The following MBD1 variants were observed in gnomAD, a reference collection of about 807,000 sequenced individuals.
The protein encoded by MBD1 is methyl-CpG-binding domain protein 1.
Under a neutral mutation model 82.6 loss-of-function variants are expected in MBD1, and 25 were observed. The ratio of observed to expected loss-of-function variants is 0.30; its 90% CI spans 0.22 to 0.42. The LOEUF (loss-of-function observed/expected upper bound fraction) is 0.42. Among genes scored for constraint, MBD1 ranks in the 10% least tolerant of loss-of-function variants. The probability of loss-of-function intolerance (pLI) is 1.00; values close to 1 mark genes in which losing one functional copy is unlikely to be tolerated. For synonymous variants in MBD1, 301 were observed against 303.7 expected (o/e 0.99, Z 0.09); for missense variants, 627 against 819.6 (o/e 0.76, Z 2.87).
chr18:50,276,549 AACC>A, intron 5 of MBD1, 110 bp downstream of exon 5: 1 of 1,458,042 alleles, frequency 6.9e-7, no homozygotes, highest in Non-Finnish European at 9.6e-7. Context: ...TCCAACCTCC[AACC>A]ATGCCAGTAG....
At position 50,272,964 on chromosome 18, in the gene MBD1, A is replaced by G. The variant is rs1427715564; in HGVS notation, c.1585-9T>C. 3 of 1,614,110 alleles carry G rather than the reference A, an allele frequency of 1.9e-6. No individual in the cohort carries two copies. The highest frequency in any genetic ancestry group is 2.5e-6 in the Non-Finnish European group (3 of 1,180,014). On this transcript the variant is annotated splice_polypyrimidine_tract_variant and intron_variant, in intron 13 of 16. Coordinates refer to ENST00000269468, the MANE Select transcript of MBD1 (RefSeq NM_015846.4). ...AGGCCTGGGTCTACTGCCTGGGAGA[A>G]GTAGGAAACAGGCAACCATTAGAAG...
chr18:50,269,422 C>A lies in MBD1; in HGVS notation c.*429G>T. 1 of 914,798 alleles carries A rather than the reference C, an allele frequency of 1.1e-6. No individual in the cohort carries two copies. The allele number at this position is 914,798 out of a possible 1,614,324, so 56.7% of individuals were successfully genotyped here. On this transcript the variant is annotated 3_prime_UTR_variant, in exon 17 of 17. Transcript: ENST00000269468. ...GACATTTTGCTTGATAACCGGAGGGCGGAAGTGAAGCAGCAGCACATTGTT... is the reference window on the plus strand; with the variant it reads ...GACATTTTGCTTGATAACCGGAGGGAGGAAGTGAAGCAGCAGCACATTGTT...
At position 50,273,396 on chromosome 18, in the gene MBD1, C is replaced by T. The variant is rs1409016336; in HGVS notation, c.1522G>A (p.Glu508Lys). Reference sequence around the variant, plus strand: ...AGGACAGCTGTGCCTGGTGTCCACTCGTCCTGGGTATCCGCCTTCTCTTGC... The same window carrying T: ...AGGACAGCTGTGCCTGGTGTCCACTTGTCCTGGGTATCCGCCTTCTCTTGC... ...VKQEKADTQD[E>K]WTPGTAVLTS... Residue 508 changes from glutamate to lysine, a missense_variant, in exon 13 of 17, where the codon GAG becomes AAG. Physicochemically the swap from Glu to Lys is moderately conservative, Grantham distance 56. Coordinates refer to ENST00000269468, the MANE Select transcript of MBD1 (RefSeq NM_015846.4). 7 of 1,614,090 alleles carry T rather than the reference C, an allele frequency of 4.3e-6. No homozygotes were observed. The highest frequency in any genetic ancestry group is 2.2e-5 in the South Asian group (2 of 91,090).
chr18:50,273,353 A>T lies in MBD1; in HGVS notation c.1565T>A (p.Val522Glu). Residue 522 changes from valine (V) to glutamate (E), a missense_variant, in exon 13 of 17, where the codon GTG becomes GAG. Physicochemically the swap from Val to Glu is moderately radical, Grantham distance 121. Coordinates refer to ENST00000269468, the MANE Select transcript of MBD1 (RefSeq NM_015846.4). The stretch of plus-strand genomic sequence containing the variant: ...CCCCACCTTGCTAGGGCAGCCAGGC[A>T]CCAATACGGGAGAAGTCAGGACAGC... ...GTAVLTSPVL[V>E]PGCPSKAVDP... The T allele has an allele frequency of 6.2e-7, 1 of 1,614,156 alleles. No individual in the cohort carries two copies. Among genetic ancestry groups the T allele is most frequent in the Non-Finnish European group, 8.5e-7 (1 of 1,180,032 alleles).
intron 16 of MBD1, chr18:50,270,165 G>A (rs2034911396): frequency 1.3e-6 from 2 of 1,597,902 alleles, no homozygotes; most frequent in Non-Finnish European, 1.7e-6. Context: ...GGAAGGGGTG[G>A]GGAAGGTGGC....
In MBD1 at chr18:50,281,478, T is replaced by G. The variant is rs1203574579; in HGVS notation, c.-141A>C. 9 of 587,310 alleles carry G rather than the reference T, an allele frequency of 1.5e-5. No individual in the cohort carries two copies. Among genetic ancestry groups the G allele is most frequent in the Non-Finnish European group, 2.4e-5 (8 of 329,854 alleles). 36.4% of individuals were successfully genotyped at this position (587,310 alleles called of 1,614,324 possible). A position where few individuals can be genotyped will look rare whatever the true frequency, so the allele number is the denominator to read the frequency against. ...CCCTTCCTCCTCCTCCGCGGCCGCC[T>G]CCTCTGAAGCGGTAGCTGTCGCCTC... On this transcript the variant is annotated 5_prime_UTR_variant, in exon 1 of 17. Coordinates refer to ENST00000269468, the MANE Select transcript of MBD1 (RefSeq NM_015846.4).
Position 50,277,162 on chromosome 18 carries a change from T to G in MBD1, c.153A>C (p.Arg51=). 1 of 1,614,212 alleles carries G rather than the reference T, an allele frequency of 6.2e-7. No homozygotes were observed. Among genetic ancestry groups the G allele is most frequent in the Non-Finnish European group, 8.5e-7 (1 of 1,180,048 alleles). The stretch of plus-strand genomic sequence containing the variant: ...TGAGATCACACGCAGGGCCCAGGTA[T>G]CGAGTCAGCTCAACTTTGCTTCGGA... ...DRIRSKVELT[R]YLGPACDLTL... The change falls in exon 3 of 17, where the codon CGA becomes CGC. Residue 51 remains arginine (R), a synonymous_variant. Coordinates refer to ENST00000269468, the MANE Select transcript of MBD1 (RefSeq NM_015846.4).
Position 50,276,984 on chromosome 18 carries a change from C to T in MBD1, c.240G>A (p.Ala80=), listed in dbSNP as rs140686. 173,338 of 1,614,128 alleles carry T rather than the reference C, an allele frequency of 0.11. 18,021 individuals are homozygous for T. The highest frequency in any genetic ancestry group is 0.59 in the East Asian group (26,393 of 44,874). Residue 80 remains alanine (A), a synonymous_variant, in exon 4 of 17, where the codon GCG becomes GCA. Coordinates refer to ENST00000269468, the MANE Select transcript of MBD1 (RefSeq NM_015846.4). ...GCTTCTTTCGCTTCTTGCTGGCAAC[C>T]GCCACGGGATGGGCCTGGAAAGTAA... The part of the protein sequence containing the change: ...CYPAPKAHPV[A]VASKKRKKPS...
At position 50,273,842 on chromosome 18, in the gene MBD1, A is replaced by G; in HGVS notation, c.1168T>C (p.Trp390Arg). Reference sequence around the variant, plus strand: ...CCTGCCCCATCCTCAGACTCTGACCAGACACTGGGCAGCAGCCGCTTCTAT... The same window carrying G: ...CCTGCCCCATCCTCAGACTCTGACCGGACACTGGGCAGCAGCCGCTTCTAT... ...FAMKRLLPSV[W>R]SESEDGAGSP... Residue 390 changes from tryptophan to arginine, a missense_variant, in exon 12 of 17, where the codon TGG becomes CGG. Physicochemically the swap from Trp to Arg is moderately radical, Grantham distance 101 (BLOSUM62 -3). Coordinates refer to ENST00000269468, the MANE Select transcript of MBD1 (RefSeq NM_015846.4). The G allele has an allele frequency of 6.2e-7, 1 of 1,613,248 alleles. No individual in the cohort carries two copies. Among genetic ancestry groups the G allele is most frequent in the Non-Finnish European group, 8.5e-7 (1 of 1,179,996 alleles).
chr18:50,278,912 G>A (rs1416403429), intron 2 of MBD1, among the ~76,000 whole-genome samples: 1 of 152,156 alleles, frequency 6.6e-6, no homozygotes, highest in Non-Finnish European at 1.5e-5. Flanking sequence ...GGACTTGGAG[G>A]CCGTATGTGT....
At chr18:50,270,211 G>A in intron 16 of MBD1, 1 of 1,505,410 alleles carries the variant, frequency 6.6e-7, no homozygotes. Flanking sequence ...CTGGGAAATG[G>A]CTAATCCATG....
Position 50,272,968 on chromosome 18 carries a change from G to A in MBD1, c.1585-13C>T, listed in dbSNP as rs887723869. 9.9e-6 allele frequency: 16 copies of A among 1,614,062 alleles called. No homozygotes were observed. The highest frequency in any genetic ancestry group is 8.9e-5 in the East Asian group (4 of 44,880). Reference sequence around the variant, plus strand: ...CTGGGTCTACTGCCTGGGAGAAGTAGGAAACAGGCAACCATTAGAAGGGCA... The same window carrying A: ...CTGGGTCTACTGCCTGGGAGAAGTAAGAAACAGGCAACCATTAGAAGGGCA... On this transcript the variant is annotated splice_polypyrimidine_tract_variant and intron_variant, in intron 13 of 16. Coordinates refer to ENST00000269468, the MANE Select transcript of MBD1 (RefSeq NM_015846.4).
rs933730462 is a variant in MBD1, at chr18:50,269,153, C to T, written c.*698G>A. 1 of 1,038,324 alleles carries T rather than the reference C, an allele frequency of 9.6e-7. No individual in the cohort carries two copies. Among genetic ancestry groups the T allele is most frequent in the Non-Finnish European group, 1.2e-6 (1 of 861,962 alleles). The allele number at this position is 1,038,324 out of a possible 1,614,324, so 64.3% of individuals were successfully genotyped here. A position where few individuals can be genotyped will look rare whatever the true frequency, so the allele number is the denominator to read the frequency against. On this transcript the variant is annotated 3_prime_UTR_variant, in exon 17 of 17. Coordinates refer to ENST00000269468, the MANE Select transcript of MBD1 (RefSeq NM_015846.4). ...GTTCTCAATACTTGAATAAATGACA[C>T]AAAAATAGCCAGGACCAGCAAGTTT...
Position 50,281,373 on chromosome 18 carries a change from C to T in MBD1, c.-36G>A, listed in dbSNP as rs911957171. The T allele has an allele frequency of 1.3e-6, 1 of 761,782 alleles. No individual in the cohort carries two copies. The highest frequency in any genetic ancestry group is 1.7e-5 in the African/African-American group (1 of 58,404). The allele number at this position is 761,782 out of a possible 1,614,324, so 47.2% of individuals were successfully genotyped here. A position where few individuals can be genotyped will look rare whatever the true frequency, so the allele number is the denominator to read the frequency against. On this transcript the variant is annotated 5_prime_UTR_variant, in exon 1 of 17. The change creates a new upstream start codon in the 5' untranslated region. Coordinates refer to ENST00000269468, the MANE Select transcript of MBD1 (RefSeq NM_015846.4). The stretch of plus-strand genomic sequence containing the variant: ...CCAAGGCTGTCTCACCAGTTTGGCA[C>T]CAGGCCGGTATCTTCCGCCACTCTA...
chr18:50,279,679 T>G (rs2039451797), intron 2 of MBD1: 1 of 639,098 alleles, frequency 1.6e-6, no homozygotes, highest in Non-Finnish European at 2.6e-6. Context: ...TATTCTTGAA[T>G]AATCACAAAT....
chr18:50,271,518 CAGG>C lies in MBD1; in HGVS notation c.1798_1800del (p.Pro600del). ...CCTCCAGTCTACTGCTTTCTAGCTC[CAGG>C]TTTTTTAAGGTCTTTGGACCTAGGG... On this transcript the variant is annotated inframe_deletion, in exon 16 of 17. Transcript: ENST00000269468. 6.2e-7 allele frequency: 1 copy of C among 1,614,184 alleles called. No individual in the cohort carries two copies. The highest frequency in any genetic ancestry group is 2.2e-5 in the East Asian group (1 of 44,884).
In MBD1 at chr18:50,279,866, C is replaced by A; in HGVS notation, c.110+17G>T. 6.2e-7 allele frequency: 1 copy of A among 1,613,898 alleles called. No homozygotes were observed. Among genetic ancestry groups the A allele is most frequent in the Non-Finnish European group, 8.5e-7 (1 of 1,179,926 alleles). On this transcript the variant is annotated intron_variant, in intron 2 of 16. Transcript: ENST00000269468. ...GCTCTACCCCACTCCTGACTCTGCC[C>A]ACTACCCACCCAGTACCTCTGGTAA...
chr18:50,277,709 C>T (rs991330539), intron 2 of MBD1, among the ~76,000 whole-genome samples: 3 of 152,032 alleles, frequency 2.0e-5, no homozygotes, highest in Non-Finnish European at 4.4e-5. Flanking sequence ...AGAGAGACAA[C>T]GATTGTCCTT....
chr18:50,274,928 C>G (rs1229670949), intron 10 of MBD1, 49 bp downstream of exon 10: 2 of 1,594,592 alleles, frequency 1.3e-6, no homozygotes. Context: ...TGAAGTTAAC[C>G]AAGCGTCCTG....
Sources: allele counts gnomAD v4.1 joint callset (sites outside exome capture counted in the v4.1 genomes callset), GRCh38; gene constraint gnomAD v4.1.1; transcripts MANE v1.5; gene names NCBI Gene and HGNC (gene_info 2026-07-23, HGNC 2026-07-21).